SREBF2: variants seen among roughly 807,000 people sequenced by gnomAD.
SREBF2 encodes the protein sterol regulatory element binding transcription factor 2, also known as sterol regulatory element-binding protein 2.
In SREBF2, 55 loss-of-function variants were observed where a neutral mutation model predicts 113.1. The ratio of observed to expected loss-of-function variants is 0.49; its 90% CI spans 0.39 to 0.61. SREBF2 has a LOEUF of 0.61. Ranked by LOEUF, SREBF2 falls within the 20% of genes least tolerant of loss-of-function variation. The pLI, the probability that SREBF2 is intolerant of heterozygous loss-of-function variation, is 0.00. For missense variants in SREBF2, 1,349 were observed against 1,487.4 expected (o/e 0.91, Z 1.53); for synonymous variants, 593 against 605.7 (o/e 0.98, Z 0.31).
At chr22:41,904,628 C>T in intron 17 of SREBF2, 1 of 689,800 alleles carries the variant, frequency 1.4e-6, no homozygotes, top group Non-Finnish European at 2.7e-6. Context: ...TTGGGAAAAG[C>T]AGGCCTTTTG....
At chr22:41,864,002 A>C (rs2077047592) in intron 1 of SREBF2, among the ~76,000 whole-genome samples, 1 of 151,118 alleles carries the variant, frequency 6.6e-6, no homozygotes, top group East Asian at 2.0e-4. Flanking sequence ...CTCCTGCCTC[A>C]GCCTCCCGAG....
At chr22:41,901,169 T>A (rs368157045) in intron 16 of SREBF2, among the ~76,000 whole-genome samples, 14 of 152,150 alleles carry the variant, frequency 9.2e-5, no homozygotes, top group East Asian at 7.7e-4. Context: ...CATCACCTGG[T>A]CTACGGGGAA....
intron 1 of SREBF2, among the ~76,000 whole-genome samples, chr22:41,839,015 C>T (rs558330143): frequency 2.3e-4 from 35 of 152,268 alleles, no homozygotes; most frequent in African/African-American, 8.2e-4. Context: ...AGGAAAGCAC[C>T]TCAAGTTCAG....
chr22:41,903,175 T>C lies in SREBF2; in HGVS notation c.3093+20T>C. The C allele has an allele frequency of 6.5e-7, 1 of 1,547,296 alleles. No homozygotes were observed. The highest frequency in any genetic ancestry group is 2.4e-5 in the East Asian group (1 of 40,914). The stretch of plus-strand genomic sequence containing the variant: ...CGCAAGGTGAGGCCCAGCTGGCTGG[T>C]GGGGCAGGGCAGATTGGAGCCTGTG... On this transcript the variant is annotated intron_variant, in intron 17 of 18. Transcript: ENST00000361204.
chr22:41,859,603 CA>C (rs1039548473), intron 1 of SREBF2, among the ~76,000 whole-genome samples: 252 of 137,186 alleles, frequency 1.8e-3, no homozygotes, highest in East Asian at 3.9e-3. Flanking sequence ...GCAAAAGTGT[CA>C]AAAAAAAAAA....
chr22:41,898,497 G>C, intron 14 of SREBF2, 152 bp from the exon 15 acceptor site: 1 of 958,924 alleles, frequency 1.0e-6, no homozygotes, highest in Non-Finnish European at 1.6e-6. Context: ...CCCTCCCCCA[G>C]AATCCTGGGT....
chr22:41,867,754 C>T (rs2077098435), intron 2 of SREBF2, among the ~76,000 whole-genome samples: 1 of 151,790 alleles, frequency 6.6e-6, no homozygotes, highest in South Asian at 2.1e-4. Flanking sequence ...TTGCAGTGAG[C>T]AGAGATCGTG....
intron 11 of SREBF2, among the ~76,000 whole-genome samples, chr22:41,892,861 G>T (rs1221958361): frequency 6.6e-6 from 1 of 152,156 alleles, no homozygotes; most frequent in Admixed American, 6.5e-5. Flanking sequence ...GGCCCCACGC[G>T]TGCCTTGTGG....
Position 41,880,640 on chromosome 22 carries a change from G to A in SREBF2, c.1762-76G>A, listed in dbSNP as rs181922800. The A allele has an allele frequency of 1.9e-6, 3 of 1,574,016 alleles. No individual in the cohort carries two copies. In the South Asian group the frequency reaches 3.3e-5, roughly 18 times the overall value. ...TAATTCCTCTGATAATTGGGGGCAG[G>A]GGGAGTAGAAGTCTATATCAAAACA... On this transcript the variant is annotated intron_variant, in intron 9 of 18. Coordinates refer to ENST00000361204, the MANE Select transcript of SREBF2 (RefSeq NM_004599.4).
chr22:41,886,689 C>G (rs1238178209), intron 11 of SREBF2, among the ~76,000 whole-genome samples: 3 of 152,094 alleles, frequency 2.0e-5, no homozygotes, highest in Non-Finnish European at 2.9e-5. Context: ...GGAGTTTAAT[C>G]TGTCTATTGT....
At chr22:41,884,558 G>A (rs2077281453) in intron 10 of SREBF2, among the ~76,000 whole-genome samples, 1 of 152,188 alleles carries the variant, frequency 6.6e-6, no homozygotes, top group African/African-American at 2.4e-5. Context: ...TTGTTATGTT[G>A]CACTGTGCGC....
At chr22:41,903,882 CTG>C (rs964146959) in intron 17 of SREBF2, among the ~76,000 whole-genome samples, 6 of 152,194 alleles carry the variant, frequency 3.9e-5, no homozygotes, top group Non-Finnish European at 7.3e-5. Flanking sequence ...ACTGTGGCCA[CTG>C]TGTGCAGCAA....
At position 41,884,866 on chromosome 22, in the gene SREBF2, G is replaced by A; in HGVS notation, c.2063G>A (p.Cys688Tyr). 1.2e-6 allele frequency: 2 copies of A among 1,614,212 alleles called. No homozygotes were observed. The highest frequency in any genetic ancestry group is 1.7e-6 in the Non-Finnish European group (2 of 1,180,036). Residue 688 changes from cysteine (C) to tyrosine (Y), a missense_variant, in exon 11 of 19, where the codon TGT becomes TAT. Cys to Tyr is a radical substitution (Grantham distance 194). This residue lies in a region of SREBF2 where 650 missense variants were observed against 644.1 expected (regional missense o/e 1.01). Coordinates refer to ENST00000361204, the MANE Select transcript of SREBF2 (RefSeq NM_004599.4). The part of the protein sequence containing the change: ...ITGKLPAGSA[C>Y]SDVHMALCAV... ...GGGAAGCTTCCTGCAGGATCCGCCT[G>A]TTCCGATGTACACATGGCGTTGTGT... is the stretch of plus-strand genomic sequence containing the variant.
chr22:41,833,526 T>TGA lies in SREBF2; in HGVS notation c.88+170_88+171dup, dbSNP rs561416082. On this transcript the variant is annotated intron_variant, in intron 1 of 18. Transcript: ENST00000361204. The surrounding 1 kb of genome is among the most constrained non-coding windows in gnomAD (Gnocchi z 4.1). ...CTCAACCCTTCCGGCGCTGCGAGCG[T>TGA]GAGCCCGACCCAGCTGCGCCGCTCC... 1.7e-3 allele frequency: 917 copies of TGA among 524,728 alleles called. 8 individuals are homozygous for TGA. Among genetic ancestry groups the TGA allele is most frequent in the African/African-American group, 0.015 (760 of 49,340 alleles). 32.5% of individuals were successfully genotyped at this position (524,728 alleles called of 1,614,324 possible).
intron 1 of SREBF2, among the ~76,000 whole-genome samples, chr22:41,853,532 T>C (rs2076951092): frequency 6.6e-6 from 1 of 152,200 alleles, no homozygotes; most frequent in Non-Finnish European, 1.5e-5. Context: ...ACTAACTCTT[T>C]GAGGTCAAGG....
At position 41,867,058 on chromosome 22, in the gene SREBF2, T is replaced by C; in HGVS notation, c.316T>C (p.Ser106Pro). 1 of 1,614,098 alleles carries C rather than the reference T, an allele frequency of 6.2e-7. No individual in the cohort carries two copies. Among genetic ancestry groups the C allele is most frequent in the African/African-American group, 1.3e-5 (1 of 74,996 alleles). The change falls in exon 2 of 19, where the codon TCC becomes CCC. Residue 106 changes from serine to proline, a missense_variant. Transcript: ENST00000361204. ...TLPSFSPSAASPQAPTLQVKV... is the reference protein window; with the variant it reads ...TLPSFSPSAAPPQAPTLQVKV... ...ACCTTCCTTCTCTCCCTCGGCGGCC[T>C]CCCCACAGGCTCCAACTCTGCAAGT... is the stretch of plus-strand genomic sequence containing the variant.
intron 1 of SREBF2, among the ~76,000 whole-genome samples, chr22:41,859,074 G>A (rs2077002099): frequency 1.4e-5 from 2 of 147,590 alleles, no homozygotes; most frequent in Admixed American, 6.9e-5. Flanking sequence ...AGTGAGCCGA[G>A]ATCCCGCCAC....
chr22:41,845,942 G>A (rs1174990446), intron 1 of SREBF2, among the ~76,000 whole-genome samples: 1 of 152,202 alleles, frequency 6.6e-6, no homozygotes, highest in African/African-American at 2.4e-5. Flanking sequence ...GAGGGGGCAG[G>A]ATCAGAGGAG....
chr22:41,845,744 G>C (rs2076871653), intron 1 of SREBF2, among the ~76,000 whole-genome samples: 2 of 152,202 alleles, frequency 1.3e-5, no homozygotes, highest in South Asian at 4.1e-4. Context: ...AGCAGGCATG[G>C]TGTTTATTTA....
Sources: allele counts gnomAD v4.1 joint callset (sites outside exome capture counted in the v4.1 genomes callset), GRCh38; gene constraint gnomAD v4.1.1; regional missense constraint gnomAD v4.1.1; non-coding constraint Gnocchi (gnomAD v3.1); transcripts MANE v1.5; gene names NCBI Gene and HGNC (gene_info 2026-07-23, HGNC 2026-07-21).